Variants in KCNQ1OT1 observed in about 807,000 individuals in gnomAD.
KCNQ1OT1 encodes the protein KCNQ1 antisense RNA 2 (non-protein coding).
rs151211 is a variant in KCNQ1OT1, at chr11:2,673,137, C to A, written n.26858G>T. 1 of 398,680 alleles carries A rather than the reference C, an allele frequency of 2.5e-6. No individual in the cohort carries two copies. Among genetic ancestry groups the A allele is most frequent in the Non-Finnish European group, 4.4e-6 (1 of 226,132 alleles). The allele number at this position is 398,680 out of a possible 1,614,324, so 24.7% of individuals were successfully genotyped here. A position where few individuals can be genotyped will look rare whatever the true frequency, so the allele number is the denominator to read the frequency against. On this transcript the variant is annotated non_coding_transcript_exon_variant, in exon 1 of 1. Coordinates refer to ENST00000597346, the Ensembl canonical transcript of KCNQ1OT1. This position sits in a 1 kb window ranked among gnomAD's most constrained non-coding sequence, Gnocchi z 4.5. ...AGCAGGCAGCATCAGGGCAGGGGTG[C>A]TGACCATCCCTGACCCAAGCACGAG...
Position 2,680,908 on chromosome 11 carries a change from T to C in KCNQ1OT1, n.19087A>G, listed in dbSNP as rs1590028241. 1.8e-5 allele frequency: 7 copies of C among 398,630 alleles called. No individual in the cohort carries two copies. In the East Asian group the frequency reaches 2.5e-4, roughly 14 times the overall value. The allele number at this position is 398,630 out of a possible 1,614,324, so 24.7% of individuals were successfully genotyped here. A position where few individuals can be genotyped will look rare whatever the true frequency, so the allele number is the denominator to read the frequency against. On this transcript the variant is annotated non_coding_transcript_exon_variant, in exon 1 of 1. Transcript: ENST00000597346. ...TTGTGTGTATCCTTGCATTTTGGTATGACCCAATTTGGGTTTGTATTTTTA... is the reference window on the plus strand; with the variant it reads ...TTGTGTGTATCCTTGCATTTTGGTACGACCCAATTTGGGTTTGTATTTTTA...
chr11:2,679,833 G>A lies in KCNQ1OT1; in HGVS notation n.20162C>T. The stretch of plus-strand genomic sequence containing the variant: ...AAGGGGCCAGACTGCTGCTACTTCT[G>A]AATTTTATAGGACATGCATTTTTTT... On this transcript the variant is annotated non_coding_transcript_exon_variant, in exon 1 of 1. Transcript: ENST00000597346. This position sits in a 1 kb window ranked among gnomAD's most constrained non-coding sequence, Gnocchi z 4.8. 1 of 398,556 alleles carries A rather than the reference G, an allele frequency of 2.5e-6. No individual in the cohort carries two copies. The highest frequency in any genetic ancestry group is 4.4e-6 in the Non-Finnish European group (1 of 226,050). The allele number at this position is 398,556 out of a possible 1,614,324, so 24.7% of individuals were successfully genotyped here. A position where few individuals can be genotyped will look rare whatever the true frequency, so the allele number is the denominator to read the frequency against.
exon 1 of KCNQ1OT1, chr11:2,641,730 T>A: frequency 5.0e-6 from 2 of 398,466 alleles, no homozygotes; most frequent in Non-Finnish European, 8.9e-6. Context: ...CTAAAGTGTT[T>A]CCCCAATGTC....
rs1206484874 is a variant in KCNQ1OT1, at chr11:2,668,767, G to GAT, written n.31226_31227dup. The GAT allele has an allele frequency of 8.8e-5, 35 of 398,468 alleles. No homozygotes were observed. Among genetic ancestry groups the GAT allele is most frequent in the Non-Finnish European group, 1.4e-4 (31 of 226,084 alleles). The allele number at this position is 398,468 out of a possible 1,614,324, so 24.7% of individuals were successfully genotyped here. A position where few individuals can be genotyped will look rare whatever the true frequency, so the allele number is the denominator to read the frequency against. On this transcript the variant is annotated non_coding_transcript_exon_variant, in exon 1 of 1. Transcript: ENST00000597346. This position sits in a 1 kb window ranked among gnomAD's most constrained non-coding sequence, Gnocchi z 4.3. ...CTGCAGGCTGCCTTCTTCCTCTCTT[G>GAT]ATGGTGTCTTTTGATGAACAGAAGG...
Position 2,661,830 on chromosome 11 carries a change from A to AT in KCNQ1OT1, n.38164dup. On this transcript the variant is annotated non_coding_transcript_exon_variant, in exon 1 of 1. Coordinates refer to ENST00000597346, the Ensembl canonical transcript of KCNQ1OT1. The surrounding 1 kb of genome is among the most constrained non-coding windows in gnomAD (Gnocchi z 5.9). ...ACCCCAACACCCAACTATAAAACTG[A>AT]TTGTCAGGGCTGGAGCTTCCAGGCA... is the stretch of plus-strand genomic sequence containing the variant. 9.1e-7 allele frequency: 1 copy of AT among 1,095,136 alleles called. No individual in the cohort carries two copies. Among genetic ancestry groups the AT allele is most frequent in the Non-Finnish European group, 1.4e-6 (1 of 724,112 alleles). The allele number at this position is 1,095,136 out of a possible 1,614,324, so 67.8% of individuals were successfully genotyped here. A position where few individuals can be genotyped will look rare whatever the true frequency, so the allele number is the denominator to read the frequency against.
At position 2,642,871 on chromosome 11, in the gene KCNQ1OT1, C is replaced by T. The variant is rs1590000293; in HGVS notation, n.57124G>A. 2.0e-5 allele frequency: 8 copies of T among 397,772 alleles called. No individual in the cohort carries two copies. In the East Asian group the frequency reaches 2.9e-4, roughly 14 times the overall value. The allele number at this position is 397,772 out of a possible 1,614,324, so 24.6% of individuals were successfully genotyped here. On this transcript the variant is annotated non_coding_transcript_exon_variant, in exon 1 of 1. Transcript: ENST00000597346. This position sits in a 1 kb window ranked among gnomAD's most constrained non-coding sequence, Gnocchi z 4.3. ...TTTCAGAATGTTGTGCTTCTATTTT[C>T]ACTTGTTTCAGTAAATTTTTTATTT... is the stretch of plus-strand genomic sequence containing the variant.
rs1032343825 is a variant in KCNQ1OT1 at position 2,671,572 on chromosome 11, G to A, written n.28423C>T. On this transcript the variant is annotated non_coding_transcript_exon_variant, in exon 1 of 1. Transcript: ENST00000597346. The surrounding 1 kb of genome is among the most constrained non-coding windows in gnomAD (Gnocchi z 4.7). ...ACTTATCTCCTAAGTCTTTGGCACT[G>A]AGCATTTATACAAGATCAGACTGCA... 7.0e-5 allele frequency: 28 copies of A among 398,610 alleles called. No homozygotes were observed. The highest frequency in any genetic ancestry group is 5.1e-4 in the South Asian group (4 of 7,856). 24.7% of individuals were successfully genotyped at this position (398,610 alleles called of 1,614,324 possible).
chr11:2,676,966 A>T lies in KCNQ1OT1; in HGVS notation n.23029T>A, dbSNP rs1018138750. The stretch of plus-strand genomic sequence containing the variant: ...GGATCTGTATTAAGACATCTAGCAA[A>T]TCTCCTTTTCATTAACAGCTGCAGA... On this transcript the variant is annotated non_coding_transcript_exon_variant, in exon 1 of 1. Transcript: ENST00000597346. This position sits in a 1 kb window ranked among gnomAD's most constrained non-coding sequence, Gnocchi z 4.2. 2.5e-6 allele frequency: 1 copy of T among 398,526 alleles called. No individual in the cohort carries two copies. The highest frequency in any genetic ancestry group is 4.4e-5 in the Admixed American group (1 of 22,714). The allele number at this position is 398,526 out of a possible 1,614,324, so 24.7% of individuals were successfully genotyped here.
At chr11:2,666,517 C>T (rs566214408) in exon 1 of KCNQ1OT1, 2 of 398,718 alleles carry the variant, frequency 5.0e-6, no homozygotes, top group South Asian at 1.3e-4. Flanking sequence ...CCGCTGTGGC[C>T]TGGCTTTCAT....
chr11:2,624,503 A>T lies in KCNQ1OT1; in HGVS notation n.75492T>A. 1 of 398,514 alleles carries T rather than the reference A, an allele frequency of 2.5e-6. No homozygotes were observed. The highest frequency in any genetic ancestry group is 4.4e-6 in the Non-Finnish European group (1 of 226,010). 24.7% of individuals were successfully genotyped at this position (398,514 alleles called of 1,614,324 possible). A position where few individuals can be genotyped will look rare whatever the true frequency, so the allele number is the denominator to read the frequency against. The stretch of plus-strand genomic sequence containing the variant: ...AAAAGCCATCACCAAACTAAAGATC[A>T]TCTAGATTTCTTCCTATGTTATCTT... On this transcript the variant is annotated non_coding_transcript_exon_variant, in exon 1 of 1. Coordinates refer to ENST00000597346, the Ensembl canonical transcript of KCNQ1OT1. The surrounding 1 kb of genome is among the most constrained non-coding windows in gnomAD (Gnocchi z 4.9).
chr11:2,634,133 G>GT lies in KCNQ1OT1; in HGVS notation n.65861dup, dbSNP rs1291405705. ...GCTATTTCGGTGAAGATTGTCTTTG[G>GT]TATTTTTTTTTTTTTAGATTTCTCT... On this transcript the variant is annotated non_coding_transcript_exon_variant, in exon 1 of 1. Coordinates refer to ENST00000597346, the Ensembl canonical transcript of KCNQ1OT1. 1.7e-3 allele frequency: 471 copies of GT among 280,736 alleles called. No individual in the cohort carries two copies. The highest frequency in any genetic ancestry group is 4.8e-3 in the South Asian group (19 of 3,978). The allele number at this position is 280,736 out of a possible 1,614,324, so 17.4% of individuals were successfully genotyped here.
Position 2,698,742 on chromosome 11 carries a change from C to A in KCNQ1OT1, n.1253G>T. 1 of 398,864 alleles carries A rather than the reference C, an allele frequency of 2.5e-6. No individual in the cohort carries two copies. The highest frequency in any genetic ancestry group is 1.3e-4 in the South Asian group (1 of 7,848). The allele number at this position is 398,864 out of a possible 1,614,324, so 24.7% of individuals were successfully genotyped here. The stretch of plus-strand genomic sequence containing the variant: ...TCGCCAACTCGGACCTCCCTTGGAT[C>A]TCAACTCAGAGCCATGATGCAGACT... On this transcript the variant is annotated non_coding_transcript_exon_variant, in exon 1 of 1. Coordinates refer to ENST00000597346, the Ensembl canonical transcript of KCNQ1OT1. The surrounding 1 kb of genome is among the most constrained non-coding windows in gnomAD (Gnocchi z 5.1).
exon 1 of KCNQ1OT1, chr11:2,666,322 A>G: frequency 2.5e-6 from 1 of 398,654 alleles, no homozygotes; most frequent in Middle Eastern, 6.3e-4. Context: ...GACCCCCACC[A>G]GGTGACTGTG....
chr11:2,641,915 C>T (rs569657201), exon 1 of KCNQ1OT1: 2 of 398,430 alleles, frequency 5.0e-6, no homozygotes, highest in African/African-American at 4.1e-5. Context: ...ATGTTCTTGG[C>T]ATCTTTGTCA....
Position 2,670,536 on chromosome 11 carries a change from A to G in KCNQ1OT1, n.29459T>C, listed in dbSNP as rs1850164500. Reference sequence around the variant, plus strand: ...CACAGAAGGGGAAATTGAAGCCTCAAGAAGGATAGGGACTTGCCAGTATCA... The same window carrying G: ...CACAGAAGGGGAAATTGAAGCCTCAGGAAGGATAGGGACTTGCCAGTATCA... On this transcript the variant is annotated non_coding_transcript_exon_variant, in exon 1 of 1. Transcript: ENST00000597346. The surrounding 1 kb of genome is among the most constrained non-coding windows in gnomAD (Gnocchi z 4.9). 4 of 397,934 alleles carry G rather than the reference A, an allele frequency of 1.0e-5. No homozygotes were observed. Among genetic ancestry groups the G allele is most frequent in the Non-Finnish European group, 1.8e-5 (4 of 225,986 alleles). 24.7% of individuals were successfully genotyped at this position (397,934 alleles called of 1,614,324 possible). A position where few individuals can be genotyped will look rare whatever the true frequency, so the allele number is the denominator to read the frequency against.
At position 2,627,636 on chromosome 11, in the gene KCNQ1OT1, T is replaced by C; in HGVS notation, n.72359A>G. 7.5e-6 allele frequency: 3 copies of C among 398,626 alleles called. No homozygotes were observed. Among genetic ancestry groups the C allele is most frequent in the Non-Finnish European group, 1.3e-5 (3 of 226,068 alleles). The allele number at this position is 398,626 out of a possible 1,614,324, so 24.7% of individuals were successfully genotyped here. On this transcript the variant is annotated non_coding_transcript_exon_variant, in exon 1 of 1. Coordinates refer to ENST00000597346, the Ensembl canonical transcript of KCNQ1OT1. The surrounding 1 kb of genome is among the most constrained non-coding windows in gnomAD (Gnocchi z 4.9). ...TGTCATAAATTGCATGATTTCCTGC[T>C]TTTTAAAGGATGAATATTTCATTGT...
exon 1 of KCNQ1OT1, chr11:2,610,157 A>G: frequency 2.5e-6 from 1 of 397,264 alleles, no homozygotes; most frequent in Non-Finnish European, 4.4e-6. Context: ...TTCTTTTATG[A>G]TTCTTCAATA....
chr11:2,693,150 CT>C (rs1850616231), exon 1 of KCNQ1OT1: 1 of 398,572 alleles, frequency 2.5e-6, no homozygotes, highest in South Asian at 1.3e-4. Context: ...AGCCCTCAGT[CT>C]ACACTCTGTG....
At chr11:2,630,112 T>C in exon 1 of KCNQ1OT1, 1 of 398,358 alleles carries the variant, frequency 2.5e-6, no homozygotes, top group Non-Finnish European at 4.4e-6. Context: ...AATTTGTTCA[T>C]AGTTTTTATC....
Sources: allele counts gnomAD v4.1 joint callset, GRCh38; gene constraint gnomAD v4.1.1; non-coding constraint Gnocchi (gnomAD v3.1); transcripts MANE v1.5; gene names NCBI Gene and HGNC (gene_info 2026-07-23, HGNC 2026-07-21).